The following GFI1 variants were observed in gnomAD, a reference collection of about 807,000 sequenced individuals.
GFI1 encodes growth factor independent 1 transcriptional repressor, also known as zinc finger protein Gfi-1.
In GFI1, 15 loss-of-function variants were observed where a neutral mutation model predicts 39.2. The observed-to-expected ratio is 0.38, with a 90% CI of 0.26 to 0.59. The LOEUF is 0.59. GFI1 is among the 20% of genes least tolerant of loss of function. The pLI is 0.62. For synonymous variants in GFI1, 239 were observed against 254.3 expected (o/e 0.94, Z 0.57); for missense variants, 475 against 574.0 (o/e 0.83, Z 1.76).
In GFI1 at chr1:92,484,213, C is replaced by A. The variant is rs1658425306; in HGVS notation, c.-99-627G>T. On this transcript the variant is annotated intron_variant, in intron 1 of 6. Transcript: ENST00000294702. The surrounding 1 kb of genome is among the most constrained non-coding windows in gnomAD (Gnocchi z 4.1). ...AGGCCAGAGAAAGGAGGTGGGAGAG[C>A]AAAGGGACAGGAAAGTGAGGGGAAC... 6.6e-6 allele frequency among the ~76,000 whole-genome samples: 1 copy of A among 152,134 alleles called. No homozygotes were observed. The highest frequency in any genetic ancestry group is 2.1e-4 in the South Asian group (1 of 4,830).
At position 92,475,321 on chromosome 1, in the gene GFI1, C is replaced by T. The variant is rs1419745994; in HGVS notation, c.*708G>A. On this transcript the variant is annotated 3_prime_UTR_variant, in exon 7 of 7. Coordinates refer to ENST00000294702, the MANE Select transcript of GFI1 (RefSeq NM_005263.5). ...TTTACCTCCAGTGATGAGGTTTTCACAGCCCTACTGAAGGGAGGACCTCTA... is the reference window on the plus strand; with the variant it reads ...TTTACCTCCAGTGATGAGGTTTTCATAGCCCTACTGAAGGGAGGACCTCTA... The T allele has an allele frequency of 6.5e-6, 1 of 152,674 alleles. No individual in the cohort carries two copies. The highest frequency in any genetic ancestry group is 6.5e-5 in the Admixed American group (1 of 15,366). 9.5% of individuals were successfully genotyped at this position (152,674 alleles called of 1,614,324 possible). A position where few individuals can be genotyped will look rare whatever the true frequency, so the allele number is the denominator to read the frequency against.
intron 1 of GFI1, chr1:92,483,883 C>G (rs559421925): frequency 3.0e-6 from 1 of 336,644 alleles, no homozygotes; most frequent in African/African-American, 2.1e-5. Context: ...CCTTTCCTAG[C>G]GAAGCTCGCT....
Position 92,483,401 on chromosome 1 carries a change from T to G in GFI1, c.87A>C (p.Leu29Phe), listed in dbSNP as rs767641663. Residue 29 changes from leucine to phenylalanine, a missense_variant, in exon 2 of 7, where the codon TTA becomes TTC. Around this residue, in one of 4 missense-constraint regions of GFI1, gnomAD observed 275 missense variants for 275.8 expected, o/e 1.00. Transcript: ENST00000294702. ...RSPGPDYSLRLENVPAPSRAD... is the reference protein window; with the variant it reads ...RSPGPDYSLRFENVPAPSRAD... ...CTCGGCTAGGCGCCGGTACATTCTC[T>G]AAACGGAGGGAATAGTCTGGTCCTG... 3 of 1,612,308 alleles carry G rather than the reference T, an allele frequency of 1.9e-6. No individual in the cohort carries two copies. The highest frequency in any genetic ancestry group is 1.7e-6 in the Non-Finnish European group (2 of 1,178,508).
In GFI1 at chr1:92,484,537, T is replaced by C. The variant is rs548239090; in HGVS notation, c.-99-951A>G. On this transcript the variant is annotated intron_variant, in intron 1 of 6. Transcript: ENST00000294702. The surrounding 1 kb of genome is among the most constrained non-coding windows in gnomAD (Gnocchi z 4.1). ...CCGAGTCGGTAGTGCACCGACAATTTAGCAGACAAAAAAGACAGGACGCCA... is the reference window on the plus strand; with the variant it reads ...CCGAGTCGGTAGTGCACCGACAATTCAGCAGACAAAAAAGACAGGACGCCA... The C allele has an allele frequency of 2.6e-5, 4 of 152,380 alleles. No homozygotes were observed. The highest frequency in any genetic ancestry group is 5.9e-5 in the Non-Finnish European group (4 of 68,094). 9.4% of individuals were successfully genotyped at this position (152,380 alleles called of 1,614,324 possible). A position where few individuals can be genotyped will look rare whatever the true frequency, so the allele number is the denominator to read the frequency against.
In GFI1 at chr1:92,474,517, T is replaced by C. The variant is rs971597870; in HGVS notation, c.*1512A>G. 1.2e-4 allele frequency among the ~76,000 whole-genome samples: 19 copies of C among 152,230 alleles called. No individual in the cohort carries two copies. Among genetic ancestry groups the C allele is most frequent in the Admixed American group, 1.0e-3 (16 of 15,286 alleles). ...AACCATCAGGGGCTCTACAAGGTAGTAGCTTAGTTTTGTACACCTCCTAGT... is the reference window on the plus strand; with the variant it reads ...AACCATCAGGGGCTCTACAAGGTAGCAGCTTAGTTTTGTACACCTCCTAGT... On this transcript the variant is annotated 3_prime_UTR_variant, in exon 7 of 7. Transcript: ENST00000294702.
rs1657935378 is a variant in GFI1 at position 92,475,832 on chromosome 1, T to C, written c.*197A>G. 3.3e-6 allele frequency: 2 copies of C among 614,664 alleles called. No homozygotes were observed. The highest frequency in any genetic ancestry group is 5.8e-6 in the Non-Finnish European group (2 of 342,396). 38.1% of individuals were successfully genotyped at this position (614,664 alleles called of 1,614,324 possible). On this transcript the variant is annotated 3_prime_UTR_variant, in exon 7 of 7. Coordinates refer to ENST00000294702, the MANE Select transcript of GFI1 (RefSeq NM_005263.5). ...CTTGGTTCTCACTCTCGGCTGCACT[T>C]TGAAAAGGTACCTCATTTCTTCTGG...
chr1:92,479,217 C>T (rs965999006), intron 5 of GFI1, among the ~76,000 whole-genome samples: 3 of 152,168 alleles, frequency 2.0e-5, no homozygotes, highest in African/African-American at 7.2e-5. Flanking sequence ...TTCCACACCC[C>T]ATGGCAAATA....
In GFI1 at chr1:92,475,455, C is replaced by A. The variant is rs41296171; in HGVS notation, c.*574G>T. On this transcript the variant is annotated 3_prime_UTR_variant, in exon 7 of 7. Transcript: ENST00000294702. ...TCCTTCCCCAAGTCAGTTTCTGAAT[C>A]AGTTTTTGAGGAGGAGAAATGATTC... 0.025 allele frequency: 3,946 copies of A among 160,034 alleles called. 125 individuals carry two copies. The highest frequency in any genetic ancestry group is 0.073 in the African/African-American group (3,026 of 41,412). The allele number at this position is 160,034 out of a possible 1,614,324, so 9.9% of individuals were successfully genotyped here.
In GFI1 at chr1:92,480,109, C is replaced by A. The variant is rs577408488; in HGVS notation, c.924+239G>T. ...CCAAAGTAACAATGAGGATCACACT[C>A]TCGAGGCTCACAGTGGTGTGACACC... is the stretch of plus-strand genomic sequence containing the variant. On this transcript the variant is annotated intron_variant, in intron 5 of 6. Transcript: ENST00000294702. The surrounding 1 kb of genome is among the most constrained non-coding windows in gnomAD (Gnocchi z 5.6). Among the ~76,000 whole-genome samples the A allele has an allele frequency of 3.3e-5, 5 of 152,234 alleles. No homozygotes were observed. Among genetic ancestry groups the A allele is most frequent in the Admixed American group, 6.5e-5 (1 of 15,292 alleles).
Position 92,483,356 on chromosome 1 carries a change from C to CCG in GFI1, c.115+15_115+16dup. The CCG allele has an allele frequency of 6.9e-7, 1 of 1,439,594 alleles. No individual in the cohort carries two copies. Among genetic ancestry groups the CCG allele is most frequent in the Non-Finnish European group, 9.7e-7 (1 of 1,036,196 alleles). 89.2% of individuals were successfully genotyped at this position (1,439,594 alleles called of 1,614,324 possible). On this transcript the variant is annotated intron_variant, in intron 2 of 6. Coordinates refer to ENST00000294702, the MANE Select transcript of GFI1 (RefSeq NM_005263.5). ...ATCCGGGGGAGCAGCCCCGCCTGGC[C>CCG]CGCGCGCGCCTCGCACCTGCTCGGC...
chr1:92,481,952 T>TGTGTGCGC lies in GFI1; in HGVS notation c.299-865_299-864insGCGCACAC, dbSNP rs200635146. 6.7e-6 allele frequency among the ~76,000 whole-genome samples: 1 copy of TGTGTGCGC among 148,802 alleles called. No homozygotes were observed. The highest frequency in any genetic ancestry group is 2.5e-5 in the African/African-American group (1 of 40,072). The stretch of plus-strand genomic sequence containing the variant: ...ATTTACAAATGTGTGTGTGTGTGTG[T>TGTGTGCGC]GCGCACAACACTCCAGTTCAGGCTG... On this transcript the variant is annotated intron_variant, in intron 3 of 6. Coordinates refer to ENST00000294702, the MANE Select transcript of GFI1 (RefSeq NM_005263.5). The surrounding 1 kb of genome is among the most constrained non-coding windows in gnomAD (Gnocchi z 4.3).
chr1:92,483,055 A>G lies in GFI1; in HGVS notation c.116-9T>C. 6.3e-7 allele frequency: 1 copy of G among 1,576,234 alleles called. No homozygotes were observed. The highest frequency in any genetic ancestry group is 8.6e-7 in the Non-Finnish European group (1 of 1,164,104). On this transcript the variant is annotated splice_polypyrimidine_tract_variant and intron_variant, in intron 2 of 6. Coordinates refer to ENST00000294702, the MANE Select transcript of GFI1 (RefSeq NM_005263.5). ...TGCATTTGAAGTGCTGTCTGCAAAG[A>G]GGAGGCAGGTGAGGGGCTCAGGCTG...
At chr1:92,479,249 T>A (rs976071666) in intron 5 of GFI1, among the ~76,000 whole-genome samples, 5 of 152,196 alleles carry the variant, frequency 3.3e-5, no homozygotes, top group African/African-American at 1.2e-4. Flanking sequence ...CCTGCTTTTT[T>A]TGACACCCAT....
chr1:92,477,988 C>T (rs1266995336), intron 6 of GFI1, among the ~76,000 whole-genome samples: 1 of 152,134 alleles, frequency 6.6e-6, no homozygotes, highest in East Asian at 1.9e-4. Flanking sequence ...GGGCAGATTA[C>T]CTAGCCTCAT....
At chr1:92,476,936 C>T (rs969198442) in intron 6 of GFI1, among the ~76,000 whole-genome samples, 1 of 151,992 alleles carries the variant, frequency 6.6e-6, no homozygotes, top group African/African-American at 2.4e-5. Context: ...CTTTATATAC[C>T]AGCAATTCTT....
rs1571217712 is a variant in GFI1, at chr1:92,481,177, G to A, written c.299-89C>T. 2 of 1,131,976 alleles carry A rather than the reference G, an allele frequency of 1.8e-6. No individual in the cohort carries two copies. Among genetic ancestry groups the A allele is most frequent in the African/African-American group, 1.5e-5 (1 of 65,146 alleles). The allele number at this position is 1,131,976 out of a possible 1,614,324, so 70.1% of individuals were successfully genotyped here. On this transcript the variant is annotated intron_variant, in intron 3 of 6. Transcript: ENST00000294702. This position sits in a 1 kb window ranked among gnomAD's most constrained non-coding sequence, Gnocchi z 4.3. The stretch of plus-strand genomic sequence containing the variant: ...GCGGCTGCGAGCGTGGCGTGTTCGC[G>A]GACTGCGGGGCACCCAGCGCTTGTA...
In GFI1 at chr1:92,473,381, C is replaced by G. The variant is rs1657816016; in HGVS notation, c.*2648G>C. ...TCAAACCAGGTTGGAAATAACCAACCAGTACACAGGGTGACTTCTGTGGGA... is the reference window on the plus strand; with the variant it reads ...TCAAACCAGGTTGGAAATAACCAACGAGTACACAGGGTGACTTCTGTGGGA... On this transcript the variant is annotated 3_prime_UTR_variant, in exon 7 of 7. Coordinates refer to ENST00000294702, the MANE Select transcript of GFI1 (RefSeq NM_005263.5). Among the ~76,000 whole-genome samples, 1 of 152,126 alleles carries G rather than the reference C, an allele frequency of 6.6e-6. No homozygotes were observed. The highest frequency in any genetic ancestry group is 1.5e-5 in the Non-Finnish European group (1 of 68,030).
intron 2 of GFI1, 51 bp from the exon 3 acceptor site, chr1:92,483,097 A>C: frequency 1.4e-6 from 2 of 1,461,936 alleles, no homozygotes; most frequent in Non-Finnish European, 1.8e-6. Flanking sequence ...GTTGAGTCTG[A>C]GGGTGCTGAA....
At position 92,480,589 on chromosome 1, in the gene GFI1, C is replaced by T. The variant is rs756137710; in HGVS notation, c.786+12G>A. On this transcript the variant is annotated intron_variant, in intron 4 of 6. Transcript: ENST00000294702. The surrounding 1 kb of genome is among the most constrained non-coding windows in gnomAD (Gnocchi z 5.6). ...CGCACGGCAGGCGAGGTGGTGAGCT[C>T]GGGAGCCTCACCTTGCTGCACTTGA... 11 of 1,543,140 alleles carry T rather than the reference C, an allele frequency of 7.1e-6. No individual in the cohort carries two copies. Among genetic ancestry groups the T allele is most frequent in the South Asian group, 2.4e-5 (2 of 84,382 alleles).
Sources: allele counts gnomAD v4.1 joint callset (sites outside exome capture counted in the v4.1 genomes callset), GRCh38; gene constraint gnomAD v4.1.1; regional missense constraint gnomAD v4.1.1; non-coding constraint Gnocchi (gnomAD v3.1); transcripts MANE v1.5; gene names NCBI Gene and HGNC (gene_info 2026-07-23, HGNC 2026-07-21).